PTPRE: variants seen among roughly 807,000 people sequenced by gnomAD.
The protein encoded by PTPRE is protein tyrosine phosphatase receptor type E.
PTPRE carries 51 observed loss-of-function variants against 102.0 expected under a neutral mutation model. The observed-to-expected ratio is 0.50, with a 90% CI of 0.40 to 0.63. The LOEUF (loss-of-function observed/expected upper bound fraction) is 0.63, where lower values mean the gene tolerates loss of function less well. PTPRE is among the 30% of genes least tolerant of loss of function. The pLI, the probability that PTPRE is intolerant of heterozygous loss-of-function variation, is 0.00. For missense variants in PTPRE, 752 were observed against 915.1 expected (o/e 0.82, Z 2.30); for synonymous variants, 345 against 348.2 (o/e 0.99, Z 0.10).
chr10:128,075,693 G>T (rs1276710637), intron 17 of PTPRE, among the ~76,000 whole-genome samples: 1 of 152,158 alleles, frequency 6.6e-6, no homozygotes, highest in African/African-American at 2.4e-5. Context: ...GTATTCTCAA[G>T]GTGTCCTAAT....
chr10:128,033,963 T>C (rs371370080), intron 2 of PTPRE, among the ~76,000 whole-genome samples: 1 of 152,254 alleles, frequency 6.6e-6, no homozygotes, highest in African/African-American at 2.4e-5. Flanking sequence ...TTTATAATTG[T>C]GTCCAAATTG....
At chr10:128,066,033 C>T (rs1850057398) in intron 10 of PTPRE, 42 bp from the exon 11 acceptor site, 18 of 1,614,098 alleles carry the variant, frequency 1.1e-5, no homozygotes, top group Non-Finnish European at 1.4e-5. Context: ...TGATGCATTG[C>T]ACCCACAGAT....
rs373811641 is a variant in PTPRE, at chr10:128,003,388, A to C, written c.-8+21092A>C. Among the ~76,000 whole-genome samples, 4 of 152,332 alleles carry C rather than the reference A, an allele frequency of 2.6e-5. No homozygotes were observed. In the South Asian group the frequency reaches 8.3e-4, roughly 32 times the overall value. ...ACTTTGGGAAAAGAGATGTTAAAAA[A>C]TGTTTTCCAATACATTAAAAATATT... On this transcript the variant is annotated intron_variant, in intron 2 of 20. Coordinates refer to ENST00000254667, the MANE Select transcript of PTPRE (RefSeq NM_006504.6).
chr10:128,049,403 G>A lies in PTPRE; in HGVS notation c.284-127G>A, dbSNP rs576762366. On this transcript the variant is annotated intron_variant, in intron 5 of 20. Transcript: ENST00000254667. ...GGGACCCGGCTTAGCCCAGCTATGC[G>A]ATTTGAGAGAACTGTTCCAGCTCCA... The A allele has an allele frequency of 1.9e-5, 23 of 1,233,470 alleles. No individual in the cohort carries two copies. The African/African-American group carries it at 2.0e-4, about 10-fold the overall frequency. 76.4% of individuals were successfully genotyped at this position (1,233,470 alleles called of 1,614,324 possible).
chr10:128,076,818 C>T (rs1851244440), intron 18 of PTPRE, 90 bp downstream of exon 18: 1 of 1,552,382 alleles, frequency 6.4e-7, no homozygotes, highest in East Asian at 2.3e-5. Context: ...CAGAATGTGG[C>T]CCTGCACCTG....
intron 2 of PTPRE, among the ~76,000 whole-genome samples, chr10:127,989,184 ATATAT>A (rs1362046569): frequency 1.3e-5 from 2 of 151,908 alleles, no homozygotes; most frequent in Non-Finnish European, 2.9e-5. Flanking sequence ...TTAAAGCTAT[ATATAT>A]TATATTTTAC....
At chr10:128,003,858 C>A (rs1352847122) in intron 2 of PTPRE, among the ~76,000 whole-genome samples, 2 of 152,158 alleles carry the variant, frequency 1.3e-5, no homozygotes, top group Admixed American at 1.3e-4. Context: ...AATTGGAAGC[C>A]TTTGCAGGGG....
In PTPRE at chr10:127,923,979, AT is replaced by A. The variant is rs552606907; in HGVS notation, c.-31+16671del. Among the ~76,000 whole-genome samples, 365 of 152,312 alleles carry A rather than the reference AT, an allele frequency of 2.4e-3. 1 individual carries two copies. Among genetic ancestry groups the A allele is most frequent in the African/African-American group, 8.3e-3 (343 of 41,558 alleles). On this transcript the variant is annotated intron_variant, in intron 1 of 20. Coordinates refer to ENST00000254667, the MANE Select transcript of PTPRE (RefSeq NM_006504.6). ...AGGCTTAAGCTGGAAAATATCCATG[AT>A]GAGTCCAGGGTACATTTGGTGGAGG...
At chr10:128,012,879 G>A (rs1178864183) in intron 2 of PTPRE, among the ~76,000 whole-genome samples, 1 of 152,172 alleles carries the variant, frequency 6.6e-6, no homozygotes, top group African/African-American at 2.4e-5. Flanking sequence ...ATTAAACAAG[G>A]CCTCCTTCCC....
At chr10:128,061,505 G>A (rs9943332) in intron 8 of PTPRE, among the ~76,000 whole-genome samples, 174 bp from the exon 9 acceptor site, 30,254 of 152,134 alleles carry the variant, frequency 0.2, 3,603 homozygotes, top group African/African-American at 0.33. Context: ...GACGTATGAA[G>A]TAGGATTTGT....
chr10:128,069,623 C>G, intron 12 of PTPRE, 69 bp from the exon 13 acceptor site: 1 of 1,597,376 alleles, frequency 6.3e-7, no homozygotes, highest in Non-Finnish European at 8.5e-7. Flanking sequence ...GCGCAGGCCC[C>G]TTCGGGGCCT....
chr10:127,956,273 A>G (rs1849397642), intron 1 of PTPRE, among the ~76,000 whole-genome samples: 1 of 152,152 alleles, frequency 6.6e-6, no homozygotes, highest in African/African-American at 2.4e-5. Context: ...GTCTGAGGGT[A>G]TTTCCAGAGG....
At chr10:127,950,449 G>A (rs926847816) in intron 1 of PTPRE, among the ~76,000 whole-genome samples, 4 of 152,164 alleles carry the variant, frequency 2.6e-5, no homozygotes, top group Admixed American at 1.3e-4. Flanking sequence ...GAATGCTAGA[G>A]TGGATTTGTC....
chr10:127,910,112 T>C (rs1365914781), intron 1 of PTPRE, among the ~76,000 whole-genome samples: 1 of 152,246 alleles, frequency 6.6e-6, no homozygotes, highest in Non-Finnish European at 1.5e-5. Flanking sequence ...CAGGAATGAA[T>C]GTATCCATTA....
chr10:127,925,419 T>C (rs1397743920), intron 1 of PTPRE, among the ~76,000 whole-genome samples: 3 of 151,986 alleles, frequency 2.0e-5, no homozygotes, highest in African/African-American at 7.3e-5. Context: ...TGACCCCGGG[T>C]GGATTAGTTG....
At chr10:127,974,436 T>A (rs1030945576) in intron 1 of PTPRE, among the ~76,000 whole-genome samples, 1 of 152,220 alleles carries the variant, frequency 6.6e-6, no homozygotes, top group African/African-American at 2.4e-5. Flanking sequence ...GGGAATTTTC[T>A]TCTTGAGAAA....
chr10:127,961,653 C>T (rs1178172122), intron 1 of PTPRE, among the ~76,000 whole-genome samples: 2 of 152,214 alleles, frequency 1.3e-5, no homozygotes, highest in Non-Finnish European at 2.9e-5. Flanking sequence ...CGAGAGAAAG[C>T]GGGCCGCTAG....
At chr10:128,057,108 G>A (rs537690878) in intron 7 of PTPRE, among the ~76,000 whole-genome samples, 43 of 152,106 alleles carry the variant, frequency 2.8e-4, no homozygotes, top group Admixed American at 1.4e-3. Flanking sequence ...TTCCAGCTAC[G>A]TGGGAGACTG....
intron 1 of PTPRE, among the ~76,000 whole-genome samples, chr10:127,966,318 A>G (rs1173145947): frequency 1.3e-5 from 2 of 152,184 alleles, no homozygotes; most frequent in African/African-American, 2.4e-5. Context: ...CTGATCATTT[A>G]TCTTTTAAAA....
Sources: gnomAD v4.1 joint callset for allele counts (sites outside exome capture counted in the v4.1 genomes callset) on GRCh38, gnomAD v4.1.1 for gene constraint, MANE v1.5 for transcripts, NCBI Gene and HGNC (gene_info 2026-07-23, HGNC 2026-07-21) for gene names.